ROBO2: variants seen among roughly 807,000 people sequenced by gnomAD.
ROBO2 encodes the protein roundabout homolog 2.
In ROBO2, 53 loss-of-function variants were observed where a neutral mutation model predicts 160.8. The ratio of observed to expected loss-of-function variants is 0.33; its 90% confidence interval spans 0.26 to 0.41. The LOEUF (loss-of-function observed/expected upper bound fraction) is 0.41. Among genes scored for constraint, ROBO2 ranks in the 10% least tolerant of loss-of-function variants. ROBO2 has a pLI of 1.00. For missense variants in ROBO2, 1,577 were observed against 1,722.4 expected, an observed-to-expected ratio of 0.92 and a Z score of 1.49; for synonymous variants, 664 against 611.7, an observed-to-expected ratio of 1.09 and a Z score of -1.26.
At chr3:76,619,507 C>T (rs2088887357) in intron 2 of ROBO2, among the ~76,000 whole-genome samples, 1 of 152,092 alleles carries the variant, frequency 6.6e-6, no homozygotes, top group South Asian at 2.1e-4. Flanking sequence ...TTGATAGAGC[C>T]ACTATTTGAG....
At chr3:76,101,170 G>A (rs1431567190) in intron 2 of ROBO2, among the ~76,000 whole-genome samples, 1 of 152,156 alleles carries the variant, frequency 6.6e-6, no homozygotes, top group Non-Finnish European at 1.5e-5. Context: ...GGCTACCGTG[G>A]AGGAAAGATG....
At chr3:77,123,834 A>C (rs1228820954) in intron 2 of ROBO2, among the ~76,000 whole-genome samples, 1 of 149,340 alleles carries the variant, frequency 6.7e-6, no homozygotes, top group Non-Finnish European at 1.5e-5. Context: ...CTATATACAT[A>C]GATATATAAT....
intron 2 of ROBO2, among the ~76,000 whole-genome samples, chr3:77,417,309 G>T (rs1300818763): frequency 7.1e-6 from 1 of 141,332 alleles, no homozygotes; most frequent in Non-Finnish European, 1.5e-5. Flanking sequence ...TTCTTTTCTT[G>T]TTATATATTC....
chr3:77,318,783 C>T (rs1005435772), intron 2 of ROBO2, among the ~76,000 whole-genome samples: 8 of 152,016 alleles, frequency 5.3e-5, no homozygotes, highest in Non-Finnish European at 1.2e-4. Context: ...TAAGTGCTAC[C>T]ATGAACCAGC....
intron 2 of ROBO2, among the ~76,000 whole-genome samples, chr3:76,399,812 C>T (rs1040668403): frequency 5.3e-5 from 8 of 151,614 alleles, no homozygotes; most frequent in East Asian, 1.9e-4. Flanking sequence ...ACTTCAAGAG[C>T]GCACATTGGC....
At chr3:76,772,750 G>A (rs767584570) in intron 2 of ROBO2, among the ~76,000 whole-genome samples, 3 of 150,996 alleles carry the variant, frequency 2.0e-5, no homozygotes, top group Non-Finnish European at 4.5e-5. Flanking sequence ...ACTAAATCAT[G>A]TGGATGATTT....
upstream of ROBO2, among the ~76,000 whole-genome samples, chr3:77,035,216 G>A (rs948355785): frequency 4.6e-5 from 7 of 151,820 alleles, no homozygotes; most frequent in African/African-American, 1.7e-4. Context: ...ATGGGGCTGA[G>A]GGGGTAATGG....
intron 2 of ROBO2, among the ~76,000 whole-genome samples, chr3:76,045,012 A>G (rs2067405061): frequency 6.6e-6 from 1 of 152,052 alleles, no homozygotes; most frequent in Non-Finnish European, 1.5e-5. Flanking sequence ...AAGTCAAGCT[A>G]TTTCCATTTT....
intron 2 of ROBO2, among the ~76,000 whole-genome samples, chr3:76,823,562 G>A (rs182168267): frequency 8.9e-4 from 136 of 152,238 alleles, no homozygotes; most frequent in African/African-American, 3.2e-3. Context: ...GTTTAAAAAG[G>A]TAGAGATTGC....
chr3:76,768,541 G>T (rs886724209), intron 2 of ROBO2, among the ~76,000 whole-genome samples: 23 of 151,310 alleles, frequency 1.5e-4, no homozygotes, highest in African/African-American at 5.3e-4. Context: ...AATTGGCAGA[G>T]AAATATATTA....
At chr3:76,460,448 G>A (rs145235512) in intron 2 of ROBO2, among the ~76,000 whole-genome samples, 175 of 152,282 alleles carry the variant, frequency 1.1e-3, no homozygotes, top group African/African-American at 4.0e-3. Flanking sequence ...GTGGTGCTTT[G>A]TGGCTGCTAA....
At chr3:77,198,828 G>C (rs1379767887) in intron 2 of ROBO2, among the ~76,000 whole-genome samples, 1 of 151,982 alleles carries the variant, frequency 6.6e-6, no homozygotes, top group African/African-American at 2.4e-5. Flanking sequence ...GCTTGAACCC[G>C]GGAGGTGGAG....
chr3:77,582,355 C>T (rs1041841853), intron 16 of ROBO2, among the ~76,000 whole-genome samples: 3 of 152,134 alleles, frequency 2.0e-5, no homozygotes, highest in Non-Finnish European at 4.4e-5. Flanking sequence ...CACACCTTGG[C>T]CTCCCAGGCA....
intron 2 of ROBO2, among the ~76,000 whole-genome samples, chr3:76,120,360 G>A (rs1298490132): frequency 1.3e-5 from 2 of 151,138 alleles, no homozygotes. Context: ...GTGAGTGGTA[G>A]GGCAAGGTTC....
At chr3:76,528,106 T>C (rs1264714444) in intron 2 of ROBO2, among the ~76,000 whole-genome samples, 1 of 152,162 alleles carries the variant, frequency 6.6e-6, no homozygotes, top group Non-Finnish European at 1.5e-5. Flanking sequence ...TCTTAACTCA[T>C]ACAACAAATA....
At chr3:77,400,826 T>C (rs779676299) in intron 2 of ROBO2, among the ~76,000 whole-genome samples, 1 of 151,732 alleles carries the variant, frequency 6.6e-6, no homozygotes, top group Non-Finnish European at 1.5e-5. Context: ...CCTGGTTAAG[T>C]GAGTTGTTAA....
chr3:76,497,853 C>CCCAGCATTT (rs1577655457), intron 2 of ROBO2, among the ~76,000 whole-genome samples: 1 of 152,150 alleles, frequency 6.6e-6, no homozygotes, highest in Admixed American at 6.5e-5. Flanking sequence ...TCCCAGCATT[C>CCCAGCATTT]CCAGCATTTC....
At chr3:77,023,017 G>A (rs1343055252) in intron 2 of ROBO2, among the ~76,000 whole-genome samples, 10 of 151,938 alleles carry the variant, frequency 6.6e-5, no homozygotes, top group African/African-American at 1.9e-4. Flanking sequence ...GACTACTCTA[G>A]GAATCTCATA....
In ROBO2 at chr3:77,634,784, G is replaced by A. The variant is rs955779987; in HGVS notation, c.3761-86G>A. 4.0e-6 allele frequency: 5 copies of A among 1,244,316 alleles called. No homozygotes were observed. The African/African-American group carries it at 7.4e-5, about 18-fold the overall frequency. 77.1% of individuals were successfully genotyped at this position (1,244,316 alleles called of 1,614,324 possible). Reference sequence around the variant, plus strand: ...TATGTTATCTCTAGGTAGATTTACAGGTTAGTCATAGTGCAGAAATATAGG... The same window carrying A: ...TATGTTATCTCTAGGTAGATTTACAAGTTAGTCATAGTGCAGAAATATAGG... On this transcript the variant is annotated intron_variant, in intron 23 of 25. Transcript: ENST00000461745.
Sources: gnomAD v4.1 joint callset for allele counts (sites outside exome capture counted in the v4.1 genomes callset) on GRCh38, gnomAD v4.1.1 for gene constraint, MANE v1.5 for transcripts, NCBI Gene and HGNC (gene_info 2026-07-23, HGNC 2026-07-21) for gene names.